FOXK2: variants seen among roughly 807,000 people sequenced by gnomAD.
FOXK2 encodes the protein forkhead box protein K2.
FOXK2 carries 24 observed loss-of-function variants against 53.3 expected under a neutral mutation model. That is an observed-to-expected ratio of 0.45 (90% CI 0.33 to 0.63). The LOEUF (loss-of-function observed/expected upper bound fraction) is 0.63. Among genes scored for constraint, FOXK2 ranks in the 30% least tolerant of loss-of-function variants. The pLI is 0.03. For synonymous variants in FOXK2, 505 were observed against 407.1 expected, an observed-to-expected ratio of 1.24 and a Z score of -2.89; for missense variants, 952 against 910.5, an observed-to-expected ratio of 1.05 and a Z score of -0.59.
chr17:82,571,703 G>T (rs771047193), intron 3 of FOXK2, 21 bp from the exon 4 acceptor site: 3 of 1,496,126 alleles, frequency 2.0e-6, no homozygotes, highest in East Asian at 2.6e-5. Flanking sequence ...TATTCGTTTT[G>T]TGTTTGTTTT....
chr17:82,560,001 C>CTTT (rs10583366), intron 1 of FOXK2, among the ~76,000 whole-genome samples: 6 of 97,574 alleles, frequency 6.1e-5, no homozygotes, highest in Non-Finnish European at 1.2e-4. Context: ...TCTGGATAGA[C>CTTT]TTTTTTTTTT....
intron 1 of FOXK2, among the ~76,000 whole-genome samples, chr17:82,533,976 G>A (rs1466735051): frequency 6.6e-6 from 1 of 150,862 alleles, no homozygotes; most frequent in Non-Finnish European, 1.5e-5. Context: ...TCCAGCCCAG[G>A]CAACAGAAGG....
rs1019690267 is a variant in FOXK2 at position 82,587,166 on chromosome 17, A to G, written c.1680A>G (p.Val560=). The change falls in exon 8 of 9, where the codon GTA becomes GTG. Residue 560 remains valine (V), a synonymous_variant. Coordinates refer to ENST00000335255, the MANE Select transcript of FOXK2 (RefSeq NM_004514.4). ...CCCCGGTCCAGACGGTGACCATAGTACAACAGGCACCTCTAGGTCAACACC... is the reference window on the plus strand; with the variant it reads ...CCCCGGTCCAGACGGTGACCATAGTGCAACAGGCACCTCTAGGTCAACACC... The part of the protein sequence containing the change: ...QTTPVQTVTI[V]QQAPLGQHQL... The G allele has an allele frequency of 1.2e-6, 2 of 1,613,122 alleles. No individual in the cohort carries two copies. Among genetic ancestry groups the G allele is most frequent in the East Asian group, 2.2e-5 (1 of 44,886 alleles).
At position 82,602,702 on chromosome 17, in the gene FOXK2, A is replaced by C. The variant is rs1406745344; in HGVS notation, c.*1203A>C. The C allele has an allele frequency of 6.6e-6, 1 of 152,242 alleles. No individual in the cohort carries two copies. The highest frequency in any genetic ancestry group is 1.5e-5 in the Non-Finnish European group (1 of 68,044). The allele number at this position is 152,242 out of a possible 1,614,324, so 9.4% of individuals were successfully genotyped here. A position where few individuals can be genotyped will look rare whatever the true frequency, so the allele number is the denominator to read the frequency against. ...AATCCTGAGGCTGACTCCTCTACGG[A>C]AAATGAGGACAGGACGGGGGTGAGG... On this transcript the variant is annotated 3_prime_UTR_variant, in exon 9 of 9. Coordinates refer to ENST00000335255, the MANE Select transcript of FOXK2 (RefSeq NM_004514.4).
chr17:82,584,147 T>G lies in FOXK2; in HGVS notation c.1238T>G (p.Leu413Arg). ...EPEPGAAQPK[L>R]AVIQEARFAQ... ...GAGCCTGGCGCTGCACAGCCCAAAC[T>G]CGCTGTCATCCAGGAAGCCCGGTTT... The change falls in exon 6 of 9, where the codon CTC (leucine) becomes CGC (arginine). Residue 413 changes from leucine (L) to arginine (R), a missense_variant. This residue lies in a region of FOXK2 where 551 missense variants were observed against 385.1 expected (regional missense o/e 1.43). Coordinates refer to ENST00000335255, the MANE Select transcript of FOXK2 (RefSeq NM_004514.4). 6.2e-7 allele frequency: 1 copy of G among 1,609,596 alleles called. No homozygotes were observed.
At chr17:82,560,820 G>A (rs1012309835) in intron 1 of FOXK2, among the ~76,000 whole-genome samples, 1 of 152,148 alleles carries the variant, frequency 6.6e-6, no homozygotes, top group African/African-American at 2.4e-5. Flanking sequence ...AAACAGCCTG[G>A]CATGGTGGCA....
chr17:82,537,054 G>A (rs2044527498), intron 1 of FOXK2, among the ~76,000 whole-genome samples: 1 of 152,164 alleles, frequency 6.6e-6, no homozygotes, highest in Non-Finnish European at 1.5e-5. Context: ...TTTAGGAAAA[G>A]AATAGAATAT....
intron 6 of FOXK2, among the ~76,000 whole-genome samples, chr17:82,584,953 G>C (rs2045115530): frequency 6.6e-6 from 1 of 152,282 alleles, no homozygotes; most frequent in Non-Finnish European, 1.5e-5. Flanking sequence ...AACAAACATA[G>C]TGTGGAAATG....
intron 4 of FOXK2, chr17:82,577,504 C>T (rs1004530220): frequency 2.5e-5 from 7 of 279,246 alleles, no homozygotes; most frequent in Non-Finnish European, 4.7e-5. Context: ...GCTCACTGCC[C>T]AGTCAGGGCA....
intron 1 of FOXK2, among the ~76,000 whole-genome samples, chr17:82,525,785 ACT>A (rs1350547925): frequency 1.3e-5 from 2 of 152,064 alleles, no homozygotes; most frequent in Non-Finnish European, 2.9e-5. Flanking sequence ...CTAAATTAAA[ACT>A]CTGTTTATTT....
At chr17:82,596,113 G>A (rs887280010) in intron 8 of FOXK2, 7 of 1,050,940 alleles carry the variant, frequency 6.7e-6, no homozygotes, top group African/African-American at 3.4e-5. Context: ...CCACACCTGC[G>A]GCCACAGACT....
At chr17:82,543,599 T>C (rs929552480) in intron 1 of FOXK2, among the ~76,000 whole-genome samples, 15 of 152,066 alleles carry the variant, frequency 9.9e-5, no homozygotes, top group African/African-American at 3.6e-4. Flanking sequence ...ACCGGAGCAG[T>C]AGGAAGGCCA....
chr17:82,600,513 C>G (rs1384192770), intron 8 of FOXK2: 2 of 152,252 alleles, frequency 1.3e-5, no homozygotes, highest in African/African-American at 2.4e-5. Context: ...TTACTCAGAG[C>G]TGACTGATTT....
intron 1 of FOXK2, among the ~76,000 whole-genome samples, chr17:82,528,129 A>G (rs1476010300): frequency 2.6e-5 from 4 of 152,120 alleles, no homozygotes; most frequent in African/African-American, 9.7e-5. Flanking sequence ...ATCATTTATT[A>G]ATAGTGAAGT....
rs760798612 is a variant in FOXK2, at chr17:82,520,146, GGGC to G, written c.268_270del (p.Gly90del). The G allele has an allele frequency of 6.6e-6, 10 of 1,521,864 alleles. No homozygotes were observed. Among genetic ancestry groups the G allele is most frequent in the South Asian group, 6.1e-5 (5 of 81,360 alleles). The allele number at this position is 1,521,864 out of a possible 1,614,324, so 94.3% of individuals were successfully genotyped here. On this transcript the variant is annotated inframe_deletion, in exon 1 of 9. Coordinates refer to ENST00000335255, the MANE Select transcript of FOXK2 (RefSeq NM_004514.4). Reference sequence around the variant, plus strand: ...GCCACCTCGAGATCTTCACGCCCCCGGGCGGCGGCGGCCATGGCGGGGCCGCTC... The same window carrying G: ...GCCACCTCGAGATCTTCACGCCCCCGGGCGGCGGCCATGGCGGGGCCGCTC...
chr17:82,565,335 T>C (rs2044841525), intron 2 of FOXK2, among the ~76,000 whole-genome samples: 1 of 152,152 alleles, frequency 6.6e-6, no homozygotes, highest in African/African-American at 2.4e-5. Context: ...CTTGAAAATT[T>C]AAAAAATTTC....
chr17:82,533,464 T>A (rs902661583), intron 1 of FOXK2, among the ~76,000 whole-genome samples: 1 of 151,186 alleles, frequency 6.6e-6, no homozygotes, highest in Non-Finnish European at 1.5e-5. Context: ...CACTCCAGCC[T>A]GGGTGATGGA....
In FOXK2 at chr17:82,592,949, G is replaced by T. The variant is rs571428817; in HGVS notation, c.1786+5677G>T. Among the ~76,000 whole-genome samples the T allele has an allele frequency of 1.4e-4, 20 of 138,954 alleles. No individual in the cohort carries two copies. In the South Asian group the frequency reaches 3.5e-3, roughly 25 times the overall value. 91.2% of individuals were successfully genotyped at this position (138,954 alleles called of 152,430 possible). A position where few individuals can be genotyped will look rare whatever the true frequency, so the allele number is the denominator to read the frequency against. The stretch of plus-strand genomic sequence containing the variant: ...GACCCTGTGAAGGTCTCCCTGCGCC[G>T]GGCACAGGCTCTTATTCTGAAAGCA... On this transcript the variant is annotated intron_variant, in intron 8 of 8. Coordinates refer to ENST00000335255, the MANE Select transcript of FOXK2 (RefSeq NM_004514.4).
In FOXK2 at chr17:82,569,499, C is replaced by T. The variant is rs78277093; in HGVS notation, c.762+1298C>T. ...AGGTAGTGGGCTGAGAGGGCCCATA[C>T]GAGCATGTTGGGGATGCTGGTGGTG... On this transcript the variant is annotated intron_variant, in intron 3 of 8. Transcript: ENST00000335255. Among the ~76,000 whole-genome samples, 8 of 152,302 alleles carry T rather than the reference C, an allele frequency of 5.3e-5. No homozygotes were observed. The East Asian group carries it at 1.2e-3, about 22-fold the overall frequency.
Sources: gnomAD v4.1 joint callset for allele counts (sites outside exome capture counted in the v4.1 genomes callset) on GRCh38, gnomAD v4.1.1 for gene constraint, gnomAD v4.1.1 regional missense constraint, MANE v1.5 for transcripts, NCBI Gene and HGNC (gene_info 2026-07-23, HGNC 2026-07-21) for gene names.